PRKG1: variants seen among roughly 807,000 people sequenced by gnomAD.
PRKG1 encodes the protein protein kinase cGMP-dependent 1, also known as cGMP-dependent protein kinase 1.
A neutral mutation model predicts 88.1 loss-of-function variants in PRKG1; 35 were observed. That is an observed-to-expected ratio of 0.40 (90% CI 0.30 to 0.53). PRKG1 has a LOEUF of 0.53. Among genes scored for constraint, PRKG1 ranks in the 20% least tolerant of loss-of-function variants. The probability of loss-of-function intolerance (pLI) is 0.59; values close to 1 mark genes in which losing one functional copy is unlikely to be tolerated. For synonymous variants in PRKG1, 303 were observed against 292.5 expected (o/e 1.04, Z -0.37); for missense variants, 540 against 839.8 (o/e 0.64, Z 4.41).
chr10:52,275,994 T>C (rs1841863876), intron 12 of PRKG1, among the ~76,000 whole-genome samples: 1 of 152,134 alleles, frequency 6.6e-6, no homozygotes, highest in African/African-American at 2.4e-5. Context: ...TTGGTCACCA[T>C]TGGTGTATAG....
At chr10:52,114,541 C>T (rs945845163) in intron 7 of PRKG1, among the ~76,000 whole-genome samples, 1 of 148,820 alleles carries the variant, frequency 6.7e-6, no homozygotes, top group African/African-American at 2.6e-5. Flanking sequence ...TTTGAGCTCA[C>T]AGGCCTAATA....
intron 8 of PRKG1, among the ~76,000 whole-genome samples, chr10:52,144,161 T>G (rs972213492): frequency 6.6e-6 from 1 of 152,084 alleles, no homozygotes; most frequent in African/African-American, 2.4e-5. Flanking sequence ...AGGACCTGTA[T>G]AGAAGACAAG....
chr10:51,817,347 A>ACAC (rs570863275), intron 4 of PRKG1, among the ~76,000 whole-genome samples: 1 of 129,590 alleles, frequency 7.7e-6, no homozygotes, highest in Non-Finnish European at 1.7e-5. Context: ...TCCCTCCCCA[A>ACAC]CCCCCCCCCT....
intron 9 of PRKG1, among the ~76,000 whole-genome samples, chr10:52,213,598 TGTG>T (rs1840037585): frequency 2.0e-5 from 3 of 152,154 alleles, no homozygotes; most frequent in South Asian, 4.1e-4. Context: ...TCACTGGACT[TGTG>T]GGGATTGGGA....
chr10:51,220,520 G>A (rs1838500748), intron 2 of PRKG1, among the ~76,000 whole-genome samples: 2 of 151,818 alleles, frequency 1.3e-5, no homozygotes, highest in African/African-American at 2.4e-5. Flanking sequence ...TCACGAGGGT[G>A]TAAAAAATGC....
At chr10:51,176,717 G>A (rs1837204871) in intron 2 of PRKG1, among the ~76,000 whole-genome samples, 3 of 152,048 alleles carry the variant, frequency 2.0e-5, no homozygotes, top group Admixed American at 2.0e-4. Context: ...ATTTGGCCAG[G>A]TGACAGACTA....
chr10:51,958,591 T>C (rs1339889955), intron 5 of PRKG1, among the ~76,000 whole-genome samples: 1 of 151,562 alleles, frequency 6.6e-6, no homozygotes, highest in East Asian at 1.9e-4. Context: ...GTATTTTTTT[T>C]TTTTTGTCAA....
intron 5 of PRKG1, among the ~76,000 whole-genome samples, chr10:52,036,569 T>G (rs1234959519): frequency 1.3e-5 from 2 of 151,936 alleles, no homozygotes; most frequent in Non-Finnish European, 2.9e-5. Context: ...GGGTGCATGA[T>G]TGGTCGCCAA....
At chr10:51,824,131 C>T (rs183881732) in intron 4 of PRKG1, among the ~76,000 whole-genome samples, 1 of 152,168 alleles carries the variant, frequency 6.6e-6, no homozygotes, top group East Asian at 1.9e-4. Flanking sequence ...GCTTTGGCCT[C>T]CCAAAGTTCT....
chr10:51,271,184 T>C (rs542789709), intron 2 of PRKG1, among the ~76,000 whole-genome samples: 36 of 152,228 alleles, frequency 2.4e-4, no homozygotes, highest in African/African-American at 8.7e-4. Context: ...AGAGAAGCTA[T>C]ATATGACTAG....
At chr10:51,000,794 A>G (rs1406571264) in intron 1 of PRKG1, among the ~76,000 whole-genome samples, 1 of 152,154 alleles carries the variant, frequency 6.6e-6, no homozygotes, top group African/African-American at 2.4e-5. Context: ...CGTAATGTCA[A>G]TAAGGGTACA....
chr10:51,762,759 C>T (rs1315914173), intron 3 of PRKG1, among the ~76,000 whole-genome samples: 2 of 152,152 alleles, frequency 1.3e-5, no homozygotes, highest in South Asian at 2.1e-4. Context: ...CTTTTAGTCT[C>T]CCCCTCAAAG....
At chr10:51,658,222 A>G (rs978748151) in intron 3 of PRKG1, among the ~76,000 whole-genome samples, 11 of 152,124 alleles carry the variant, frequency 7.2e-5, no homozygotes, top group African/African-American at 1.2e-4. Context: ...CCTGCAAGTG[A>G]GACTCTCTTT....
intron 3 of PRKG1, among the ~76,000 whole-genome samples, chr10:51,628,630 A>C (rs1226806774): frequency 6.6e-6 from 1 of 152,206 alleles, no homozygotes; most frequent in African/African-American, 2.4e-5. Flanking sequence ...TATTCTGGTA[A>C]GTGCCTCTGA....
chr10:51,578,299 T>C (rs886773391), intron 3 of PRKG1, among the ~76,000 whole-genome samples: 13 of 152,178 alleles, frequency 8.5e-5, no homozygotes, highest in African/African-American at 3.1e-4. Flanking sequence ...CCTGAATTTT[T>C]AAATGTGATC....
At chr10:51,621,108 GT>G (rs1564576627) in intron 3 of PRKG1, among the ~76,000 whole-genome samples, 1 of 149,478 alleles carries the variant, frequency 6.7e-6, no homozygotes, top group Non-Finnish European at 1.5e-5. Context: ...GTGTGTGTGT[GT>G]ATATATATGC....
chr10:51,889,841 C>A (rs1426396243), intron 4 of PRKG1, among the ~76,000 whole-genome samples: 3 of 152,170 alleles, frequency 2.0e-5, no homozygotes, highest in Non-Finnish European at 4.4e-5. Flanking sequence ...TGTCTGTTGG[C>A]TGCATAAATG....
Position 52,282,138 on chromosome 10 carries a change from T to C in PRKG1, c.1546-15T>C, listed in dbSNP as rs1431666121. 8.3e-6 allele frequency: 13 copies of C among 1,572,280 alleles called. No individual in the cohort carries two copies. The highest frequency in any genetic ancestry group is 1.7e-4 in the Middle Eastern group (1 of 5,856). On this transcript the variant is annotated splice_polypyrimidine_tract_variant and intron_variant, in intron 13 of 17. Coordinates refer to ENST00000373980, the MANE Select transcript of PRKG1 (RefSeq NM_006258.4). Reference sequence around the variant, plus strand: ...CATAAGGAGCTTAAGTATCTTGTTTTTCTCTCTTTGTAAGGTTGATTTTGG... The same window carrying C: ...CATAAGGAGCTTAAGTATCTTGTTTCTCTCTCTTTGTAAGGTTGATTTTGG...
At position 51,136,910 on chromosome 10, in the gene PRKG1, T is replaced by C. The variant is rs77176571; in HGVS notation, c.312-16254T>C. On this transcript the variant is annotated intron_variant, in intron 1 of 17. Coordinates refer to ENST00000373980, the MANE Select transcript of PRKG1 (RefSeq NM_006258.4). ...CATTTTAGTAATTATTAATTAATTGTTTCTTTTTTTTTGAGACGGATTTCT... is the reference window on the plus strand; with the variant it reads ...CATTTTAGTAATTATTAATTAATTGCTTCTTTTTTTTTGAGACGGATTTCT... Among the ~76,000 whole-genome samples, 763 of 152,264 alleles carry C rather than the reference T, an allele frequency of 5.0e-3. 9 individuals carry two copies. The highest frequency in any genetic ancestry group is 0.017 in the African/African-American group (710 of 41,530).
Sources: allele counts gnomAD v4.1 joint callset (sites outside exome capture counted in the v4.1 genomes callset), GRCh38; gene constraint gnomAD v4.1.1; transcripts MANE v1.5; gene names NCBI Gene and HGNC (gene_info 2026-07-23, HGNC 2026-07-21).